UNC13C: variants seen among roughly 807,000 people sequenced by gnomAD.
The protein encoded by UNC13C is protein unc-13 homolog C.
UNC13C carries 174 observed loss-of-function variants against 245.4 expected under a neutral mutation model. The ratio of observed to expected loss-of-function variants is 0.71; its 90% CI spans 0.63 to 0.80. The LOEUF is 0.80. Among genes scored for constraint, UNC13C ranks in the 30% least tolerant of loss-of-function variants. The pLI, the probability that UNC13C is intolerant of heterozygous loss-of-function variation, is 0.00. For missense variants in UNC13C, 2,829 were observed against 2,602.9 expected (o/e 1.09, Z -1.89); for synonymous variants, 992 against 895.1 (o/e 1.11, Z -1.93).
intron 11 of UNC13C, among the ~76,000 whole-genome samples, chr15:54,296,225 G>A (rs1017117852): frequency 6.6e-6 from 1 of 151,886 alleles, no homozygotes. Flanking sequence ...TTTTGAGACG[G>A]AGTCTCGCTC....
the UNC13C span, among the ~76,000 whole-genome samples, chr15:53,901,371 C>T: frequency 6.6e-6 from 1 of 151,874 alleles, no homozygotes; most frequent in Non-Finnish European, 1.5e-5. Context: ...AGGTGCCTGA[C>T]ACCATGCCTA....
At chr15:54,633,309 T>A (rs1181919168), downstream of UNC13C, 1 of 152,188 alleles carries the variant, frequency 6.6e-6, no homozygotes. Flanking sequence ...ACATCTTCAT[T>A]GATTTATTAC....
chr15:54,553,019 C>A (rs867053502), intron 28 of UNC13C, among the ~76,000 whole-genome samples: 1 of 92,182 alleles, frequency 1.1e-5, no homozygotes, highest in Non-Finnish European at 2.0e-5. Context: ...ATATTGTATT[C>A]TATATTACAA....
chr15:54,306,984 C>T (rs1334944804), intron 13 of UNC13C, among the ~76,000 whole-genome samples: 4 of 151,932 alleles, frequency 2.6e-5, no homozygotes, highest in Non-Finnish European at 5.9e-5. Flanking sequence ...TTACTCAGTG[C>T]CTATCATGTG....
intron 24 of UNC13C, among the ~76,000 whole-genome samples, chr15:54,524,237 T>C (rs892655951): frequency 6.7e-6 from 1 of 149,852 alleles, no homozygotes; most frequent in South Asian, 2.1e-4. Context: ...TGTTATGATA[T>C]GTTAATTTTC....
At chr15:54,017,311 T>C (rs1385368256) in intron 2 of UNC13C, among the ~76,000 whole-genome samples, 3 of 152,208 alleles carry the variant, frequency 2.0e-5, no homozygotes, top group Non-Finnish European at 4.4e-5. Flanking sequence ...ATGTAATGCA[T>C]ATGGTAATAA....
intron 20 of UNC13C, among the ~76,000 whole-genome samples, chr15:54,498,844 C>G (rs1438167150): frequency 2.0e-5 from 3 of 152,058 alleles, no homozygotes; most frequent in Non-Finnish European, 2.9e-5. Context: ...TCAATACAAC[C>G]CTATGCAAAT....
chr15:54,364,853 G>T (rs567881400), intron 17 of UNC13C, among the ~76,000 whole-genome samples: 3 of 152,278 alleles, frequency 2.0e-5, no homozygotes, highest in African/African-American at 7.2e-5. Flanking sequence ...AACTGTGAAT[G>T]AGTCTAATTA....
At chr15:54,580,885 G>GAA in intron 30 of UNC13C, among the ~76,000 whole-genome samples, 1 of 152,128 alleles carries the variant, frequency 6.6e-6, no homozygotes, top group Non-Finnish European at 1.5e-5. Context: ...ACACCTGAAT[G>GAA]ATTCACACCT....
intron 2 of UNC13C, among the ~76,000 whole-genome samples, chr15:54,097,664 C>T (rs1252527308): frequency 6.6e-6 from 1 of 152,096 alleles, no homozygotes; most frequent in Non-Finnish European, 1.5e-5. Flanking sequence ...GTTGTGACCT[C>T]AAGTCCTCAT....
intron 26 of UNC13C, among the ~76,000 whole-genome samples, chr15:54,542,162 T>C (rs1006747753): frequency 6.6e-6 from 1 of 152,138 alleles, no homozygotes; most frequent in African/African-American, 2.4e-5. Flanking sequence ...AAAGGGATCA[T>C]TTGCCTTTAA....
intron 18 of UNC13C, among the ~76,000 whole-genome samples, chr15:54,401,602 A>T (rs965466107): frequency 1.3e-5 from 2 of 152,206 alleles, no homozygotes; most frequent in Non-Finnish European, 2.9e-5. Flanking sequence ...ATAAACAGGA[A>T]CGAAGATCGC....
chr15:54,606,423 T>G (rs1337733048), intron 30 of UNC13C, among the ~76,000 whole-genome samples: 1 of 152,212 alleles, frequency 6.6e-6, no homozygotes, highest in Non-Finnish European at 1.5e-5. Flanking sequence ...ATGATGATCC[T>G]ATAAATCATT....
intron 4 of UNC13C, among the ~76,000 whole-genome samples, chr15:54,211,523 A>G (rs189737290): frequency 8.5e-5 from 13 of 152,186 alleles, no homozygotes; most frequent in Admixed American, 7.2e-4. Flanking sequence ...CAAGCTATCA[A>G]TGTGATTATC....
At chr15:54,616,128 A>G (rs1056646963) in intron 30 of UNC13C, among the ~76,000 whole-genome samples, 1 of 152,054 alleles carries the variant, frequency 6.6e-6, no homozygotes, top group Non-Finnish European at 1.5e-5. Context: ...CTAACCTCTC[A>G]TCAATTTCTC....
At chr15:54,150,874 G>C (rs1367038881) in intron 4 of UNC13C, among the ~76,000 whole-genome samples, 2 of 152,046 alleles carry the variant, frequency 1.3e-5, no homozygotes, top group African/African-American at 4.8e-5. Flanking sequence ...AGTTTTCTTG[G>C]GGTAGATTAT....
chr15:54,406,640 G>A lies in UNC13C; in HGVS notation c.4848-8342G>A, dbSNP rs80290532. ...ACAAAGCAAACATCAATAACATTGTGCCAGTTCAGTTAAACCTTGTGTCAC... is the reference window on the plus strand; with the variant it reads ...ACAAAGCAAACATCAATAACATTGTACCAGTTCAGTTAAACCTTGTGTCAC... On this transcript the variant is annotated intron_variant, in intron 18 of 32. Transcript: ENST00000260323. Among the ~76,000 whole-genome samples, 571 of 152,214 alleles carry A rather than the reference G, an allele frequency of 3.8e-3. 28 individuals are homozygous for A. The East Asian group carries it at 0.083, about 22-fold the overall frequency.
chr15:54,326,655 A>C (rs544439958), intron 14 of UNC13C, among the ~76,000 whole-genome samples: 6 of 152,144 alleles, frequency 3.9e-5, no homozygotes, highest in African/African-American at 1.4e-4. Context: ...AAGTGGGGAA[A>C]GGGACAGAGA....
At chr15:54,411,734 ATGTT>A (rs1353944517) in intron 18 of UNC13C, among the ~76,000 whole-genome samples, 1 of 152,170 alleles carries the variant, frequency 6.6e-6, no homozygotes, top group Non-Finnish European at 1.5e-5. Context: ...AATACAAGTA[ATGTT>A]TGTTCTTTAC....
Sources: allele counts gnomAD v4.1 joint callset (sites outside exome capture counted in the v4.1 genomes callset), GRCh38; gene constraint gnomAD v4.1.1; transcripts MANE v1.5; gene names NCBI Gene and HGNC (gene_info 2026-07-23, HGNC 2026-07-21).